Variants in NKAIN2 observed in about 807,000 individuals in gnomAD.
NKAIN2 encodes the protein sodium/potassium-transporting ATPase subunit beta-1-interacting protein 2.
NKAIN2 carries 14 observed loss-of-function variants against 32.6 expected under a neutral mutation model. The observed-to-expected ratio is 0.43, with a 90% CI of 0.28 to 0.67. The LOEUF (loss-of-function observed/expected upper bound fraction) is 0.67. Ranked by LOEUF, NKAIN2 falls within the 30% of genes least tolerant of loss-of-function variation. The pLI is 0.17. For missense variants in NKAIN2, 198 were observed against 258.3 expected, an observed-to-expected ratio of 0.77 and a Z score of 1.60; for synonymous variants, 80 against 87.2, an observed-to-expected ratio of 0.92 and a Z score of 0.46.
chr6:124,728,800 T>C (rs1350777772), intron 4 of NKAIN2, among the ~76,000 whole-genome samples: 105 of 151,924 alleles, frequency 6.9e-4, no homozygotes, highest in African/African-American at 2.5e-3. Flanking sequence ...ACAAAATTGA[T>C]AGACCGCTAG....
At chr6:124,549,987 C>T (rs542963383) in intron 3 of NKAIN2, among the ~76,000 whole-genome samples, 90 of 152,286 alleles carry the variant, frequency 5.9e-4, no homozygotes, top group Admixed American at 1.6e-3. Flanking sequence ...ACTTTGAGAC[C>T]ACGCAAGTTT....
intron 1 of NKAIN2, among the ~76,000 whole-genome samples, chr6:123,963,113 TCATA>T (rs749607916): frequency 1.3e-5 from 2 of 152,118 alleles, no homozygotes; most frequent in Non-Finnish European, 2.9e-5. Flanking sequence ...ACCTCGAAAC[TCATA>T]CAGTCACCTT....
Position 124,443,225 on chromosome 6 carries a change from A to C in NKAIN2, c.273+87878A>C, listed in dbSNP as rs139899472. Among the ~76,000 whole-genome samples, 843 of 152,188 alleles carry C rather than the reference A, an allele frequency of 5.5e-3. 6 individuals are homozygous for C. The highest frequency in any genetic ancestry group is 0.019 in the African/African-American group (808 of 41,560). On this transcript the variant is annotated intron_variant, in intron 3 of 6. Transcript: ENST00000368417. ...CTATCCTCCCACATGTGTCTTCTCA[A>C]GCCTCCAATTCATTTGCTACTTTTG...
intron 2 of NKAIN2, among the ~76,000 whole-genome samples, chr6:124,314,742 T>C (rs2115008998): frequency 6.6e-6 from 1 of 152,332 alleles, no homozygotes; most frequent in East Asian, 1.9e-4. Context: ...GTGAGACTGC[T>C]GTGAGCCCTC....
intron 1 of NKAIN2, among the ~76,000 whole-genome samples, chr6:124,072,094 G>A (rs1176687442): frequency 1.3e-5 from 2 of 152,048 alleles, no homozygotes; most frequent in Non-Finnish European, 2.9e-5. Flanking sequence ...TCAACAGTGG[G>A]TTAGATAAAG....
At chr6:124,270,912 C>T (rs964385604) in intron 1 of NKAIN2, among the ~76,000 whole-genome samples, 4 of 152,162 alleles carry the variant, frequency 2.6e-5, no homozygotes, top group African/African-American at 7.2e-5. Context: ...AATTTCTGCC[C>T]TAAAATCCAT....
At chr6:123,992,225 G>A (rs1229561073) in intron 1 of NKAIN2, among the ~76,000 whole-genome samples, 1 of 152,120 alleles carries the variant, frequency 6.6e-6, no homozygotes, top group African/African-American at 2.4e-5. Flanking sequence ...GGAAAACATA[G>A]CTTCCATGGC....
intron 3 of NKAIN2, among the ~76,000 whole-genome samples, chr6:124,638,763 C>G (rs1178612792): frequency 6.6e-6 from 1 of 151,508 alleles, no homozygotes; most frequent in African/African-American, 2.4e-5. Context: ...TGGTAGTGGA[C>G]GCCTGTAGTC....
At chr6:124,561,578 A>C (rs889984848) in intron 3 of NKAIN2, among the ~76,000 whole-genome samples, 5 of 152,214 alleles carry the variant, frequency 3.3e-5, no homozygotes, top group African/African-American at 1.2e-4. Flanking sequence ...GGAAGATCGC[A>C]GTGCTTAAGA....
At chr6:124,750,894 G>A (rs1335181999) in intron 4 of NKAIN2, among the ~76,000 whole-genome samples, 14 of 151,800 alleles carry the variant, frequency 9.2e-5, no homozygotes, top group Non-Finnish European at 5.9e-5. Context: ...TCAGGACAAG[G>A]CTCTAAGAGA....
At chr6:124,362,411 T>C (rs1042391611) in intron 3 of NKAIN2, among the ~76,000 whole-genome samples, 3 of 152,194 alleles carry the variant, frequency 2.0e-5, no homozygotes, top group Non-Finnish European at 4.4e-5. Context: ...TCGTTTTCCT[T>C]CATAATTCAT....
intron 1 of NKAIN2, among the ~76,000 whole-genome samples, chr6:124,015,508 T>G (rs1273179175): frequency 2.6e-5 from 4 of 152,206 alleles, no homozygotes; most frequent in Non-Finnish European, 4.4e-5. Flanking sequence ...CACAGTATGC[T>G]TCATGCTTGA....
At chr6:124,426,859 G>A (rs1015802694) in intron 3 of NKAIN2, among the ~76,000 whole-genome samples, 12 of 152,016 alleles carry the variant, frequency 7.9e-5, no homozygotes, top group African/African-American at 2.7e-4. Context: ...TTTATAAAGG[G>A]GAGTTTCCCT....
intron 3 of NKAIN2, among the ~76,000 whole-genome samples, chr6:124,538,053 T>C (rs980538870): frequency 3.3e-5 from 5 of 152,136 alleles, no homozygotes; most frequent in African/African-American, 1.2e-4. Context: ...CTAATCCAAT[T>C]ATTCATTGTC....
At chr6:123,935,456 T>C (rs1486711381) in intron 1 of NKAIN2, among the ~76,000 whole-genome samples, 1 of 151,806 alleles carries the variant, frequency 6.6e-6, no homozygotes, top group Non-Finnish European at 1.5e-5. Context: ...TCACTTTTTT[T>C]TATAAACTAT....
intron 3 of NKAIN2, among the ~76,000 whole-genome samples, chr6:124,359,354 A>G (rs1288297161): frequency 3.3e-5 from 5 of 152,128 alleles, no homozygotes; most frequent in Non-Finnish European, 7.4e-5. Flanking sequence ...TCTATAAATT[A>G]CCTTGGGCAG....
At chr6:124,187,327 A>C (rs543860247) in intron 1 of NKAIN2, among the ~76,000 whole-genome samples, 1 of 152,250 alleles carries the variant, frequency 6.6e-6, no homozygotes, top group South Asian at 2.1e-4. Flanking sequence ...ATTTGAAAAC[A>C]TGTTCTTTTT....
intron 1 of NKAIN2, among the ~76,000 whole-genome samples, chr6:124,234,686 G>T (rs550399304): frequency 6.6e-6 from 1 of 151,814 alleles, no homozygotes; most frequent in Non-Finnish European, 1.5e-5. Flanking sequence ...ATCCTCCATC[G>T]GTGTTGTCTA....
chr6:124,393,056 G>A (rs1188213836), intron 3 of NKAIN2, among the ~76,000 whole-genome samples: 1 of 152,044 alleles, frequency 6.6e-6, no homozygotes, highest in East Asian at 1.9e-4. Context: ...TTTCCTTTTG[G>A]ACTGTGTTTC....
Sources: allele counts gnomAD v4.1 joint callset (sites outside exome capture counted in the v4.1 genomes callset), GRCh38; gene constraint gnomAD v4.1.1; transcripts MANE v1.5; gene names NCBI Gene and HGNC (gene_info 2026-07-23, HGNC 2026-07-21).